Variants in DENND4C observed in about 807,000 individuals in gnomAD.
DENND4C encodes the protein DENN domain containing 4C, also known as DENN domain-containing protein 4C.
Under a neutral mutation model 203.0 loss-of-function variants are expected in DENND4C, and 108 were observed. The ratio of observed to expected loss-of-function variants is 0.53; its 90% CI spans 0.46 to 0.62. DENND4C has a LOEUF of 0.62. Among genes scored for constraint, DENND4C ranks in the 20% least tolerant of loss-of-function variants. The pLI is 0.00. For synonymous variants in DENND4C, 871 were observed against 792.4 expected (o/e 1.10, Z -1.67); for missense variants, 2,481 against 2,301.2 (o/e 1.08, Z -1.60).
rs1426619157 is a variant in DENND4C at position 19,316,747 on chromosome 9, C to G, written c.1715C>G (p.Ser572Cys). 3.3e-5 allele frequency: 54 copies of G among 1,614,060 alleles called. No individual in the cohort carries two copies. The highest frequency in any genetic ancestry group is 4.5e-5 in the Non-Finnish European group (53 of 1,179,992). The change falls in exon 12 of 33, where the codon TCT becomes TGT. Residue 572 changes from serine to cysteine, a missense_variant. This residue lies in a region of DENND4C where 2,289 missense variants were observed against 2,113.3 expected (regional missense o/e 1.08). Coordinates refer to ENST00000434457, the MANE Select transcript of DENND4C (RefSeq NM_001330640.2). ...IQEAFLRFMA[S>C]ILKGYRTYLR... Reference sequence around the variant, plus strand: ...GAGGCATTTTTGCGCTTTATGGCGTCTATTTTAAAAGGATATAGAACATAT... The same window carrying G: ...GAGGCATTTTTGCGCTTTATGGCGTGTATTTTAAAAGGATATAGAACATAT...
intron 1 of DENND4C, among the ~76,000 whole-genome samples, chr9:19,242,861 G>A (rs1488317934): frequency 6.6e-6 from 1 of 151,870 alleles, no homozygotes; most frequent in Non-Finnish European, 1.5e-5. Context: ...TCACCATGTT[G>A]GCTAGGCTAG....
At chr9:19,294,045 A>T (rs1297824332) in intron 5 of DENND4C, among the ~76,000 whole-genome samples, 1 of 152,104 alleles carries the variant, frequency 6.6e-6, no homozygotes. Flanking sequence ...CACTTTTGAA[A>T]ATATTGGTTT....
At position 19,287,877 on chromosome 9, in the gene DENND4C, C is replaced by T. The variant is rs367589501; in HGVS notation, c.559-719C>T. 1.2e-4 allele frequency among the ~76,000 whole-genome samples: 19 copies of T among 152,272 alleles called. No individual in the cohort carries two copies. The East Asian group carries it at 2.7e-3, about 22-fold the overall frequency. On this transcript the variant is annotated intron_variant, in intron 3 of 32. Coordinates refer to ENST00000434457, the MANE Select transcript of DENND4C (RefSeq NM_001330640.2). ...CCTCCCAGGTAGCTGGGGCTACGGG[C>T]GTGCGCCACTACGCCCACCTAATTT...
At chr9:19,280,934 G>T (rs1833926997) in intron 2 of DENND4C, among the ~76,000 whole-genome samples, 1 of 151,920 alleles carries the variant, frequency 6.6e-6, no homozygotes, top group South Asian at 2.1e-4. Flanking sequence ...TAGAGGTGGG[G>T]TTTCTCATGT....
chr9:19,346,782 A>G lies in DENND4C; in HGVS notation c.4013A>G (p.Glu1338Gly), dbSNP rs769575682. The change falls in exon 23 of 33, where the codon GAA (glutamate) becomes GGA (glycine). Residue 1338 changes from glutamate (E) to glycine (G), a missense_variant. Glu to Gly is a moderately conservative substitution (Grantham distance 98). Transcript: ENST00000434457. ...TTAGATCATGGTTCACCAGCACAGG[A>G]AAATCCTGAAAGTGAAAAGAGCTCA... Reference protein sequence around the residue: ...LPLDHGSPAQENPESEKSSPA... With the variant: ...LPLDHGSPAQGNPESEKSSPA... 3.0e-5 allele frequency: 48 copies of G among 1,614,056 alleles called. No homozygotes were observed.
At chr9:19,328,225 A>G in intron 16 of DENND4C, 63 bp downstream of exon 16, 1 of 1,443,512 alleles carries the variant, frequency 6.9e-7, no homozygotes, top group Non-Finnish European at 9.3e-7. Flanking sequence ...TGTGATATGC[A>G]GCTCATAGTT....
chr9:19,246,329 A>G (rs2131541670), intron 1 of DENND4C, among the ~76,000 whole-genome samples: 1 of 152,316 alleles, frequency 6.6e-6, no homozygotes, highest in South Asian at 2.1e-4. Context: ...GACCACACAT[A>G]TCTATTGTGC....
At chr9:19,360,604 C>T in intron 29 of DENND4C, 115 bp downstream of exon 29, 1 of 1,399,956 alleles carries the variant, frequency 7.1e-7, no homozygotes, top group Non-Finnish European at 9.8e-7. Flanking sequence ...TTCTCTCTCA[C>T]TTAAAAGTTT....
chr9:19,322,538 G>A (rs1223932063), intron 12 of DENND4C, among the ~76,000 whole-genome samples: 1 of 151,892 alleles, frequency 6.6e-6, no homozygotes, highest in African/African-American at 2.4e-5. Flanking sequence ...GAGGTGGGCG[G>A]ATCACGAGGT....
intron 1 of DENND4C, among the ~76,000 whole-genome samples, chr9:19,274,949 A>G (rs1388289930): frequency 3.3e-5 from 5 of 152,220 alleles, no homozygotes; most frequent in African/African-American, 1.2e-4. Flanking sequence ...TGCTCAAAGG[A>G]AAATACCGTA....
At chr9:19,256,404 C>T (rs1388228130) in intron 1 of DENND4C, among the ~76,000 whole-genome samples, 1 of 148,876 alleles carries the variant, frequency 6.7e-6, no homozygotes, top group African/African-American at 2.5e-5. Context: ...GCCATCTCCA[C>T]CTCCTGAGTT....
chr9:19,334,780 C>G (rs1820067612), intron 17 of DENND4C, among the ~76,000 whole-genome samples, 197 bp from the exon 18 acceptor site: 1 of 152,112 alleles, frequency 6.6e-6, no homozygotes. Flanking sequence ...CCCGTCTCAG[C>G]CTCCCTAAGT....
At chr9:19,335,645 A>G (rs189953631) in intron 18 of DENND4C, among the ~76,000 whole-genome samples, 1 of 152,078 alleles carries the variant, frequency 6.6e-6, no homozygotes, top group Non-Finnish European at 1.5e-5. Context: ...ACTTACCATA[A>G]TGTCCTCTGG....
rs187436802 is a variant in DENND4C, at chr9:19,289,586, T to C, written c.628+921T>C. ...GCTCACGCCTGTAATTCCAGCACTT[T>C]GGGAGAGTGAGGCGGGCAGATCGCT... On this transcript the variant is annotated intron_variant, in intron 4 of 32. Transcript: ENST00000434457. Among the ~76,000 whole-genome samples the C allele has an allele frequency of 8.8e-4, 134 of 152,300 alleles. 1 individual carries two copies. The highest frequency in any genetic ancestry group is 1.9e-4 in the Non-Finnish European group (13 of 68,020).
rs1042356086 is a variant in DENND4C at position 19,273,240 on chromosome 9, T to C, written c.-17-2918T>C. Among the ~76,000 whole-genome samples the C allele has an allele frequency of 7.0e-4, 106 of 151,872 alleles. 3 individuals are homozygous for C. The highest frequency in any genetic ancestry group is 2.5e-3 in the African/African-American group (102 of 41,268). On this transcript the variant is annotated intron_variant, in intron 1 of 32. Coordinates refer to ENST00000434457, the MANE Select transcript of DENND4C (RefSeq NM_001330640.2). Reference sequence around the variant, plus strand: ...TGCTGGTATTACAGGCGTGAGCCACTGCGCCTGGCAATTTTTGTATTTTTT... The same window carrying C: ...TGCTGGTATTACAGGCGTGAGCCACCGCGCCTGGCAATTTTTGTATTTTTT...
chr9:19,343,829 C>T (rs534487542), intron 22 of DENND4C, among the ~76,000 whole-genome samples: 7 of 152,134 alleles, frequency 4.6e-5, no homozygotes, highest in South Asian at 4.2e-4. Context: ...ATATTAAGAA[C>T]GAAGGGCGAG....
At chr9:19,347,665 G>A (rs76022807) in intron 23 of DENND4C, among the ~76,000 whole-genome samples, 3,260 of 152,260 alleles carry the variant, frequency 0.021, 123 homozygotes, top group African/African-American at 0.072. Context: ...AGTTAATAAT[G>A]TAGAAATAGA....
intron 2 of DENND4C, among the ~76,000 whole-genome samples, chr9:19,282,715 C>CTCTTTTTTTTTTTTTTTTTTTTT (rs758751945): frequency 1.2e-5 from 1 of 86,638 alleles, no homozygotes; most frequent in Admixed American, 1.7e-4. Flanking sequence ...TTTCTTCTCT[C>CTCTTTTTTTTTTTTTTTTTTTTT]TTTTTTTTTT....
In DENND4C at chr9:19,346,604, C is replaced by G; in HGVS notation, c.3835C>G (p.Arg1279Gly). 6.2e-7 allele frequency: 1 copy of G among 1,614,102 alleles called. No homozygotes were observed. The highest frequency in any genetic ancestry group is 8.5e-7 in the Non-Finnish European group (1 of 1,180,040). ...TAAGTTGTTTTCTCCAGTTATTGCA[C>G]GTAATCTGGCTGATGAAATAGAAAG... ...EDKLFSPVIARNLADEIESYM... is the reference protein window; with the variant it reads ...EDKLFSPVIAGNLADEIESYM... Residue 1279 changes from arginine (R) to glycine (G), a missense_variant, in exon 23 of 33, where the codon CGT becomes GGT. Physicochemically the swap from Arg to Gly is moderately radical, Grantham distance 125 (BLOSUM62 -2). Coordinates refer to ENST00000434457, the MANE Select transcript of DENND4C (RefSeq NM_001330640.2).
Sources: allele counts gnomAD v4.1 joint callset (sites outside exome capture counted in the v4.1 genomes callset), GRCh38; gene constraint gnomAD v4.1.1; regional missense constraint gnomAD v4.1.1; transcripts MANE v1.5; gene names NCBI Gene and HGNC (gene_info 2026-07-23, HGNC 2026-07-21).